RUVBL1: variants seen among roughly 807,000 people sequenced by gnomAD.
RUVBL1 encodes the protein ruvB-like 1.
Under a neutral mutation model 52.4 loss-of-function variants are expected in RUVBL1, and 4 were observed. The observed-to-expected ratio is 0.08, with a 90% CI of 0.04 to 0.17. The LOEUF is 0.17. RUVBL1 is among the 10% of genes least tolerant of loss of function. The probability of loss-of-function intolerance (pLI) is 1.00; values close to 1 mark genes in which losing one functional copy is unlikely to be tolerated. For missense variants in RUVBL1, 298 were observed against 572.8 expected (o/e 0.52, Z 4.90); for synonymous variants, 217 against 214.4 (o/e 1.01, Z -0.10).
At chr3:128,137,318 G>A (rs560188936) in intron 1 of RUVBL1, among the ~76,000 whole-genome samples, 1 of 152,182 alleles carries the variant, frequency 6.6e-6, no homozygotes, top group South Asian at 2.1e-4. Context: ...GAAAAAAACA[G>A]AGAAGACCCA....
At chr3:128,150,746 A>T (rs1394116330) in intron 1 of RUVBL1, among the ~76,000 whole-genome samples, 3 of 113,264 alleles carry the variant, frequency 2.6e-5, no homozygotes, top group African/African-American at 7.3e-5. Context: ...ATTCTATATT[A>T]TATATTCTCT....
chr3:128,120,750 T>G (rs1245660829), intron 1 of RUVBL1, among the ~76,000 whole-genome samples: 2 of 152,062 alleles, frequency 1.3e-5, no homozygotes, highest in African/African-American at 2.4e-5. Flanking sequence ...TCAAAAAATA[T>G]GTAAGGACTA....
chr3:128,091,616 G>C (rs1205387314), intron 8 of RUVBL1, among the ~76,000 whole-genome samples: 6 of 152,200 alleles, frequency 3.9e-5, no homozygotes, highest in Admixed American at 2.6e-4. Flanking sequence ...TTCTGGAAAA[G>C]TATCCTATAG....
At chr3:128,119,250 T>G in intron 2 of RUVBL1, 78 bp downstream of exon 2, 1 of 1,044,288 alleles carries the variant, frequency 9.6e-7, no homozygotes, top group South Asian at 1.4e-5. Context: ...AAAGACTAGT[T>G]AAGACATGAA....
At chr3:128,133,686 G>A (rs530706093) in intron 1 of RUVBL1, among the ~76,000 whole-genome samples, 1 of 152,332 alleles carries the variant, frequency 6.6e-6, no homozygotes, top group East Asian at 1.9e-4. Flanking sequence ...TTGGGCTTGG[G>A]GTGCCCCCTA....
At chr3:128,141,651 A>G (rs34372443) in intron 1 of RUVBL1, among the ~76,000 whole-genome samples, 24,084 of 152,082 alleles carry the variant, frequency 0.16, 2,324 homozygotes, top group African/African-American at 0.27. Context: ...TGCCCACTAC[A>G]ACACCCAGCT....
intron 8 of RUVBL1, among the ~76,000 whole-genome samples, chr3:128,090,270 G>A (rs532434998): frequency 9.8e-5 from 15 of 152,342 alleles, no homozygotes; most frequent in African/African-American, 3.4e-4. Flanking sequence ...AGTGGCTCAC[G>A]CCTGTAATCC....
intron 9 of RUVBL1, 36 bp downstream of exon 9, chr3:128,087,670 G>T: frequency 6.5e-7 from 1 of 1,536,280 alleles, no homozygotes; most frequent in Non-Finnish European, 9.0e-7. Context: ...GGGAGCAAAT[G>T]AGAGAAGAGA....
chr3:128,070,539 AACTG>A (rs1258270785), intron 9 of RUVBL1: 2 of 152,186 alleles, frequency 1.3e-5, no homozygotes, highest in Non-Finnish European at 2.9e-5. Context: ...CATGGACAGA[AACTG>A]ACTTAGTGCT....
chr3:128,147,681 T>C (rs1052461886), intron 1 of RUVBL1, among the ~76,000 whole-genome samples: 2 of 152,252 alleles, frequency 1.3e-5, no homozygotes, highest in African/African-American at 2.4e-5. Flanking sequence ...ACAGCCACTC[T>C]GGAAAACAGT....
At chr3:128,069,347 T>C in intron 9 of RUVBL1, 1 of 866,172 alleles carries the variant, frequency 1.2e-6, no homozygotes, top group Non-Finnish European at 1.8e-6. Flanking sequence ...TGTTAGTAGA[T>C]GACTTTCTAG....
At chr3:128,086,881 C>T (rs1279583817) in intron 9 of RUVBL1, among the ~76,000 whole-genome samples, 6 of 152,232 alleles carry the variant, frequency 3.9e-5, no homozygotes, top group Middle Eastern at 3.2e-3. Flanking sequence ...ACATCCCTGT[C>T]GTCTCCCAAC....
intron 9 of RUVBL1, among the ~76,000 whole-genome samples, chr3:128,066,180 T>C (rs1489607183): frequency 1.3e-5 from 2 of 152,114 alleles, no homozygotes; most frequent in South Asian, 2.1e-4. Context: ...CTTTTCTGTT[T>C]ATGATTAAAA....
intron 9 of RUVBL1, chr3:128,070,495 C>T (rs1217397100): frequency 6.6e-6 from 1 of 152,258 alleles, no homozygotes; most frequent in African/African-American, 2.4e-5. Context: ...TCGCAGCTGC[C>T]CTAGCAAGGG....
chr3:128,129,476 T>C (rs1034794358), intron 1 of RUVBL1, among the ~76,000 whole-genome samples: 11 of 151,896 alleles, frequency 7.2e-5, no homozygotes, highest in Admixed American at 2.0e-4. Context: ...CTCAAATTCA[T>C]AACCTAACTG....
At chr3:128,153,703 T>A in exon 1 of RUVBL1, 2 of 1,588,620 alleles carry the variant, frequency 1.3e-6, no homozygotes, top group Non-Finnish European at 8.5e-7. Flanking sequence ...GCGCCTGCGG[T>A]CGTCTTTGCC....
chr3:128,073,814 A>G (rs1407091986), intron 9 of RUVBL1, among the ~76,000 whole-genome samples: 1 of 152,236 alleles, frequency 6.6e-6, no homozygotes, highest in Non-Finnish European at 1.5e-5. Context: ...TTCAAAGCAC[A>G]GCTCAATAAG....
Position 128,089,696 on chromosome 3 carries a change from G to C in RUVBL1, c.1017-1888C>G, listed in dbSNP as rs535324180. Among the ~76,000 whole-genome samples, 161 of 152,128 alleles carry C rather than the reference G, an allele frequency of 1.1e-3. 1 individual carries two copies. Among genetic ancestry groups the C allele is most frequent in the African/African-American group, 3.7e-3 (154 of 41,526 alleles). ...AAAGTGAAATAAGTCACCGACAAAA[G>C]AACAAATATTTTCTGGTTTCTTTAT... On this transcript the variant is annotated intron_variant, in intron 8 of 10. Coordinates refer to ENST00000322623, the MANE Select transcript of RUVBL1 (RefSeq NM_003707.3).
At chr3:128,111,641 C>T (rs1943398733) in intron 3 of RUVBL1, among the ~76,000 whole-genome samples, 1 of 152,202 alleles carries the variant, frequency 6.6e-6, no homozygotes, top group African/African-American at 2.4e-5. Flanking sequence ...CCGGAGGGGT[C>T]TGGTAAAAGC....
Sources: gnomAD v4.1 joint callset for allele counts (sites outside exome capture counted in the v4.1 genomes callset) on GRCh38, gnomAD v4.1.1 for gene constraint, MANE v1.5 for transcripts, NCBI Gene and HGNC (gene_info 2026-07-23, HGNC 2026-07-21) for gene names.